The following MAD2L1 variants were observed in gnomAD, a reference collection of about 807,000 sequenced individuals.
MAD2L1 encodes mitotic arrest deficient 2 like 1, also known as mitotic spindle assembly checkpoint protein MAD2A.
MAD2L1 carries 10 observed loss-of-function variants against 25.9 expected under a neutral mutation model. That is an observed-to-expected ratio of 0.39 (90% CI 0.24 to 0.66). The LOEUF is 0.66. Ranked by LOEUF, MAD2L1 falls within the 30% of genes least tolerant of loss-of-function variation. MAD2L1 has a pLI of 0.49. For missense variants in MAD2L1, 180 were observed against 246.4 expected (o/e 0.73, Z 1.80); for synonymous variants, 81 against 91.8 (o/e 0.88, Z 0.67).
At chr4:120,060,780 AAAT>A in intron 4 of MAD2L1, 91 bp downstream of exon 4, 1 of 735,808 alleles carries the variant, frequency 1.4e-6, no homozygotes, top group Non-Finnish European at 2.3e-6. Flanking sequence ...TAAATCTGAT[AAAT>A]AAGACAAAAT....
chr4:120,059,944 C>A lies in MAD2L1; in HGVS notation c.*174G>T, dbSNP rs756809162. 1.4e-5 allele frequency: 7 copies of A among 507,822 alleles called. No homozygotes were observed. Among genetic ancestry groups the A allele is most frequent in the Non-Finnish European group, 2.4e-5 (7 of 293,210 alleles). The allele number at this position is 507,822 out of a possible 1,614,324, so 31.5% of individuals were successfully genotyped here. ...TCATGATGTTAACTCCATGGTAAGT[C>A]AAATAGGTACCAAAAAAATAAAAGG... is the stretch of plus-strand genomic sequence containing the variant. On this transcript the variant is annotated 3_prime_UTR_variant, in exon 5 of 5. Coordinates refer to ENST00000296509, the MANE Select transcript of MAD2L1 (RefSeq NM_002358.4).
chr4:120,060,543 T>C (rs1390898823), intron 4 of MAD2L1, among the ~76,000 whole-genome samples: 1 of 152,198 alleles, frequency 6.6e-6, no homozygotes, highest in Non-Finnish European at 1.5e-5. Context: ...AGCACAAGAA[T>C]AGTGATGCCA....
chr4:120,061,966 C>G lies in MAD2L1; in HGVS notation c.341+9G>C. The G allele has an allele frequency of 6.3e-7, 1 of 1,588,178 alleles. No individual in the cohort carries two copies. Among genetic ancestry groups the G allele is most frequent in the Non-Finnish European group, 8.5e-7 (1 of 1,170,268 alleles). On this transcript the variant is annotated intron_variant, in intron 3 of 4. Coordinates refer to ENST00000296509, the MANE Select transcript of MAD2L1 (RefSeq NM_002358.4). Reference sequence around the variant, plus strand: ...ATATCAAAGTAGAAATAATGTAATTCCTATTTACCTGTCATCTTTTGCAGT... The same window carrying G: ...ATATCAAAGTAGAAATAATGTAATTGCTATTTACCTGTCATCTTTTGCAGT...
rs1308405121 is a variant in MAD2L1 at position 120,066,785 on chromosome 4, A to G, written c.-51T>C. On this transcript the variant is annotated 5_prime_UTR_variant, in exon 1 of 5. Transcript: ENST00000296509. ...CGCTTCCACTCCGCGGACAGCAACCACAGCGGCTCCAACAGCACTTCCCCG... is the reference window on the plus strand; with the variant it reads ...CGCTTCCACTCCGCGGACAGCAACCGCAGCGGCTCCAACAGCACTTCCCCG... 1 of 1,381,960 alleles carries G rather than the reference A, an allele frequency of 7.2e-7. No homozygotes were observed. Among genetic ancestry groups the G allele is most frequent in the South Asian group, 1.2e-5 (1 of 83,186 alleles). 85.6% of individuals were successfully genotyped at this position (1,381,960 alleles called of 1,614,324 possible).
In MAD2L1 at chr4:120,056,670, T is replaced by C. The variant is rs538057241; in HGVS notation, c.*3448A>G. 3 of 152,194 alleles carry C rather than the reference T, an allele frequency of 2.0e-5. No homozygotes were observed. Among genetic ancestry groups the C allele is most frequent in the Non-Finnish European group, 4.4e-5 (3 of 68,038 alleles). The allele number at this position is 152,194 out of a possible 1,614,324, so 9.4% of individuals were successfully genotyped here. A position where few individuals can be genotyped will look rare whatever the true frequency, so the allele number is the denominator to read the frequency against. On this transcript the variant is annotated 3_prime_UTR_variant, in exon 5 of 5. Coordinates refer to ENST00000296509, the MANE Select transcript of MAD2L1 (RefSeq NM_002358.4). ...AAAAACATTTTTCAGCATGCATGTCTATATAGTGAAAAAATGATTAAAAAT... is the reference window on the plus strand; with the variant it reads ...AAAAACATTTTTCAGCATGCATGTCCATATAGTGAAAAAATGATTAAAAAT...
rs1207458983 is a variant in MAD2L1, at chr4:120,062,170, C to T, written c.221-75G>A. ...AGTAGCTCTCTTCTCGGGTCCCACT[C>T]CCTATCCTCAGCAAATTCCTACCAC... On this transcript the variant is annotated intron_variant, in intron 2 of 4. Coordinates refer to ENST00000296509, the MANE Select transcript of MAD2L1 (RefSeq NM_002358.4). The T allele has an allele frequency of 2.9e-6, 4 of 1,401,448 alleles. No individual in the cohort carries two copies. In the Admixed American group the frequency reaches 9.2e-5, roughly 32 times the overall value. 86.8% of individuals were successfully genotyped at this position (1,401,448 alleles called of 1,614,324 possible). A position where few individuals can be genotyped will look rare whatever the true frequency, so the allele number is the denominator to read the frequency against.
rs1006499354 is a variant in MAD2L1, at chr4:120,059,149, G to A, written c.*969C>T. 6.6e-5 allele frequency: 10 copies of A among 152,264 alleles called. No individual in the cohort carries two copies. The highest frequency in any genetic ancestry group is 3.9e-4 in the Admixed American group (6 of 15,300). The allele number at this position is 152,264 out of a possible 1,614,324, so 9.4% of individuals were successfully genotyped here. ...ACAATAAGGCTAAGAGTATAGTAAA[G>A]TACTAAAATCAACACTTGTTCAACT... On this transcript the variant is annotated 3_prime_UTR_variant, in exon 5 of 5. Transcript: ENST00000296509.
chr4:120,059,832 C>T lies in MAD2L1; in HGVS notation c.*286G>A. On this transcript the variant is annotated 3_prime_UTR_variant, in exon 5 of 5. Coordinates refer to ENST00000296509, the MANE Select transcript of MAD2L1 (RefSeq NM_002358.4). Reference sequence around the variant, plus strand: ...TCTAGCTTTATAGCACAAGTTTTTCCATCTACAGTTACTATCTTCAAAGGA... The same window carrying T: ...TCTAGCTTTATAGCACAAGTTTTTCTATCTACAGTTACTATCTTCAAAGGA... 4.6e-6 allele frequency: 1 copy of T among 218,766 alleles called. No homozygotes were observed. The highest frequency in any genetic ancestry group is 8.9e-6 in the Non-Finnish European group (1 of 111,822). The allele number at this position is 218,766 out of a possible 1,614,324, so 13.6% of individuals were successfully genotyped here.
In MAD2L1 at chr4:120,060,173, G is replaced by A. The variant is rs1263596429; in HGVS notation, c.563C>T (p.Thr188Ile). 1 of 1,611,918 alleles carries A rather than the reference G, an allele frequency of 6.2e-7. No individual in the cohort carries two copies. Among genetic ancestry groups the A allele is most frequent in the African/African-American group, 1.3e-5 (1 of 74,856 alleles). The change falls in exon 5 of 5, where the codon ACT (threonine) becomes ATT (isoleucine). Residue 188 changes from threonine to isoleucine, a missense_variant. Physicochemically the swap from Thr to Ile is moderately conservative, Grantham distance 89. Coordinates refer to ENST00000296509, the MANE Select transcript of MAD2L1 (RefSeq NM_002358.4). ...CATGCTATTTACTTTGTGGATTGTA[G>A]TAGTAAATGAACGAAGGCGGACTTC... is the stretch of plus-strand genomic sequence containing the variant. ...SEEVRLRSFT[T>I]TIHKVNSMVA...
intron 2 of MAD2L1, 113 bp from the exon 3 acceptor site, chr4:120,062,208 C>A (rs1328910614): frequency 2.2e-6 from 2 of 924,780 alleles, no homozygotes; most frequent in Non-Finnish European, 3.2e-6. Context: ...CTATCTGGGA[C>A]CTCCTCCTAT....
chr4:120,064,462 T>C (rs1253013330), intron 2 of MAD2L1, among the ~76,000 whole-genome samples: 1 of 152,168 alleles, frequency 6.6e-6, no homozygotes, highest in Non-Finnish European at 1.5e-5. Flanking sequence ...ATATAATACA[T>C]GGAGGCATTT....
chr4:120,065,109 GCTTA>G (rs1726292609), intron 2 of MAD2L1, among the ~76,000 whole-genome samples: 1 of 152,146 alleles, frequency 6.6e-6, no homozygotes, highest in Admixed American at 6.5e-5. Flanking sequence ...GACAGAAAAG[GCTTA>G]CTGAATCACT....
Position 120,065,784 on chromosome 4 carries a change from G to A in MAD2L1, c.108C>T (p.Gly36=), listed in dbSNP as rs777140652. Residue 36 remains glycine (G), a synonymous_variant, in exon 2 of 5, where the codon GGC becomes GGT. Coordinates refer to ENST00000296509, the MANE Select transcript of MAD2L1 (RefSeq NM_002358.4). ...FGINSILYQR[G]IYPSETFTRV... Reference sequence around the variant, plus strand: ...GAGTAAAGGTTTCAGATGGATATATGCCACGCTGATATAAAATGCTGTTGA... The same window carrying A: ...GAGTAAAGGTTTCAGATGGATATATACCACGCTGATATAAAATGCTGTTGA... The A allele has an allele frequency of 6.2e-7, 1 of 1,613,714 alleles. No homozygotes were observed. The highest frequency in any genetic ancestry group is 1.3e-5 in the African/African-American group (1 of 74,898).
rs1726154275 is a variant in MAD2L1, at chr4:120,058,772, C to A, written c.*1346G>T. 1.3e-5 allele frequency: 2 copies of A among 152,148 alleles called. No individual in the cohort carries two copies. The highest frequency in any genetic ancestry group is 1.3e-4 in the Admixed American group (2 of 15,276). 9.4% of individuals were successfully genotyped at this position (152,148 alleles called of 1,614,324 possible). A position where few individuals can be genotyped will look rare whatever the true frequency, so the allele number is the denominator to read the frequency against. ...CTTATTCCATAAAGATATGAAGAGT[C>A]TACAAATTTGTCACTGAGAACCCAG... On this transcript the variant is annotated 3_prime_UTR_variant, in exon 5 of 5. Transcript: ENST00000296509.
At chr4:120,064,111 G>C (rs1057036313) in intron 2 of MAD2L1, among the ~76,000 whole-genome samples, 1 of 152,200 alleles carries the variant, frequency 6.6e-6, no homozygotes, top group African/African-American at 2.4e-5. Context: ...CATTAACGCA[G>C]TCTCAAAGGA....
rs781075650 is a variant in MAD2L1 at position 120,065,679 on chromosome 4, T to C, written c.213A>G (p.Gln71=). Residue 71 remains glutamine, a synonymous_variant, in exon 2 of 5, where the codon CAA becomes CAG. Coordinates refer to ENST00000296509, the MANE Select transcript of MAD2L1 (RefSeq NM_002358.4). ...TTCCAATGATTAAAATACCTTTCAG[T>C]TGTTCCACCACATTATTTAGGTATT... The part of the protein sequence containing the change: ...LIKYLNNVVE[Q]LKDWLYKCSV... 23 of 1,613,468 alleles carry C rather than the reference T, an allele frequency of 1.4e-5. No individual in the cohort carries two copies. The highest frequency in any genetic ancestry group is 3.4e-4 in the Middle Eastern group (2 of 5,926).
In MAD2L1 at chr4:120,061,047, G is replaced by A. The variant is rs187229063; in HGVS notation, c.342-70C>T. On this transcript the variant is annotated intron_variant, in intron 3 of 4. Coordinates refer to ENST00000296509, the MANE Select transcript of MAD2L1 (RefSeq NM_002358.4). Reference sequence around the variant, plus strand: ...CAAATTATTTCAAACATAGTGGTTAGATTATTTATCTGATTAAATGCTCTC... The same window carrying A: ...CAAATTATTTCAAACATAGTGGTTAAATTATTTATCTGATTAAATGCTCTC... 1.6e-3 allele frequency: 1,432 copies of A among 881,214 alleles called. 20 individuals carry two copies. The East Asian group carries it at 0.03, about 18-fold the overall frequency. 54.6% of individuals were successfully genotyped at this position (881,214 alleles called of 1,614,324 possible).
intron 3 of MAD2L1, 35 bp downstream of exon 3, chr4:120,061,939 AT>A (rs750750628): frequency 1.6e-5 from 24 of 1,495,570 alleles, no homozygotes; most frequent in Middle Eastern, 1.8e-4. Flanking sequence ...TTGAAAAAAA[AT>A]ATATCAAAGT....
chr4:120,066,697 A>G lies in MAD2L1; in HGVS notation c.38T>C (p.Leu13Pro). The change falls in exon 1 of 5, where the codon CTG becomes CCG. Residue 13 changes from leucine to proline, a missense_variant. Coordinates refer to ENST00000296509, the MANE Select transcript of MAD2L1 (RefSeq NM_002358.4). ...GGCCACGATTTCGGCGCTCCCGCGCAGGGTGATTCCCTGCTCCCGGGAGAG... is the reference window on the plus strand; with the variant it reads ...GGCCACGATTTCGGCGCTCCCGCGCGGGGTGATTCCCTGCTCCCGGGAGAG... ...LQLSREQGIT[L>P]RGSAEIVAEF... The G allele has an allele frequency of 8.1e-6, 13 of 1,604,148 alleles. No homozygotes were observed. Among genetic ancestry groups the G allele is most frequent in the Non-Finnish European group, 1.1e-5 (13 of 1,173,216 alleles).
Sources: gnomAD v4.1 joint callset for allele counts (sites outside exome capture counted in the v4.1 genomes callset) on GRCh38, gnomAD v4.1.1 for gene constraint, MANE v1.5 for transcripts, NCBI Gene and HGNC (gene_info 2026-07-23, HGNC 2026-07-21) for gene names.